Variants in FAM171A1 observed in about 807,000 individuals in gnomAD.
FAM171A1 encodes protein FAM171A1.
In FAM171A1, 23 loss-of-function variants were observed where a neutral mutation model predicts 74.9. The ratio of observed to expected loss-of-function variants is 0.31; its 90% CI spans 0.22 to 0.44. The LOEUF is 0.44. FAM171A1 is among the 20% of genes least tolerant of loss of function. FAM171A1 has a pLI of 1.00. For synonymous variants in FAM171A1, 527 were observed against 505.7 expected, an observed-to-expected ratio of 1.04 and a Z score of -0.57; for missense variants, 1,162 against 1,159.2, an observed-to-expected ratio of 1.00 and a Z score of -0.03.
In FAM171A1 at chr10:15,275,871, T is replaced by C. The variant is rs1329431280; in HGVS notation, c.402A>G (p.Ile134Met). The change falls in exon 3 of 8, where the codon ATA becomes ATG. Residue 134 changes from isoleucine (I) to methionine (M), a missense_variant. Ile to Met is a conservative substitution (Grantham distance 10). Coordinates refer to ENST00000378116, the MANE Select transcript of FAM171A1 (RefSeq NM_001010924.2). ...TLMVYEDVVQIVSGFQGARPQ... is the reference protein window; with the variant it reads ...TLMVYEDVVQMVSGFQGARPQ... The stretch of plus-strand genomic sequence containing the variant: ...TAAATATACCTTGGAATCCTGATAC[T>C]ATTTGGACGACATCTTCATATACCA... 1 of 1,609,328 alleles carries C rather than the reference T, an allele frequency of 6.2e-7. No individual in the cohort carries two copies. Among genetic ancestry groups the C allele is most frequent in the African/African-American group, 1.3e-5 (1 of 74,980 alleles).
chr10:15,261,335 T>C (rs10906875), intron 3 of FAM171A1, among the ~76,000 whole-genome samples: 35,208 of 152,162 alleles, frequency 0.23, 5,415 homozygotes, highest in East Asian at 0.57. Context: ...CAGTGAAGAA[T>C]TGAGCCAGTA....
chr10:15,248,927 C>G, intron 4 of FAM171A1, 112 bp from the exon 5 acceptor site: 1 of 947,034 alleles, frequency 1.1e-6, no homozygotes, highest in Non-Finnish European at 1.5e-6. Flanking sequence ...ATGCCAGGGA[C>G]TGCATGAAGC....
At chr10:15,244,811 G>A (rs182658876) in intron 5 of FAM171A1, among the ~76,000 whole-genome samples, 10 of 152,206 alleles carry the variant, frequency 6.6e-5, no homozygotes, top group East Asian at 1.9e-4. Flanking sequence ...ATACCGTGCC[G>A]TTCAAGCTGA....
In FAM171A1 at chr10:15,346,906, C is replaced by T. The variant is rs936408854; in HGVS notation, c.97+24050G>A. ...AGAATTCCACCGCTTTAGCAGTGCCCGAGCCACTTTCTACAGAGGGACAAA... is the reference window on the plus strand; with the variant it reads ...AGAATTCCACCGCTTTAGCAGTGCCTGAGCCACTTTCTACAGAGGGACAAA... On this transcript the variant is annotated intron_variant, in intron 1 of 7. Coordinates refer to ENST00000378116, the MANE Select transcript of FAM171A1 (RefSeq NM_001010924.2). Among the ~76,000 whole-genome samples, 35 of 152,194 alleles carry T rather than the reference C, an allele frequency of 2.3e-4. No individual in the cohort carries two copies. The South Asian group carries it at 4.8e-3, about 21-fold the overall frequency.
At chr10:15,318,423 C>T (rs4748159) in intron 1 of FAM171A1, among the ~76,000 whole-genome samples, 77,272 of 151,928 alleles carry the variant, frequency 0.51, 19,964 homozygotes, top group East Asian at 0.79. Flanking sequence ...TACTTATCTG[C>T]GTGCGGTAAG....
intron 1 of FAM171A1, among the ~76,000 whole-genome samples, 185 bp downstream of exon 1, chr10:15,370,771 C>T (rs1209825198): frequency 2.7e-5 from 4 of 147,244 alleles, no homozygotes; most frequent in Middle Eastern, 3.5e-3. Flanking sequence ...CACCCCGCGT[C>T]GCCGGCCCGC....
At chr10:15,352,195 C>T (rs768355433) in intron 1 of FAM171A1, among the ~76,000 whole-genome samples, 1 of 151,850 alleles carries the variant, frequency 6.6e-6, no homozygotes, top group Non-Finnish European at 1.5e-5. Flanking sequence ...GCCGAAATCA[C>T]GCCACTGCAC....
chr10:15,339,386 C>T lies in FAM171A1; in HGVS notation c.97+31570G>A, dbSNP rs770614070. On this transcript the variant is annotated intron_variant, in intron 1 of 7. Coordinates refer to ENST00000378116, the MANE Select transcript of FAM171A1 (RefSeq NM_001010924.2). ...ACCGCATCACATTTAGTCATTACAGCGCCTTAGCTCCTCTTGGCTATGACA... is the reference window on the plus strand; with the variant it reads ...ACCGCATCACATTTAGTCATTACAGTGCCTTAGCTCCTCTTGGCTATGACA... Among the ~76,000 whole-genome samples, 8 of 152,314 alleles carry T rather than the reference C, an allele frequency of 5.3e-5. No homozygotes were observed. The South Asian group carries it at 6.2e-4, about 12-fold the overall frequency.
rs776045179 is a variant in FAM171A1 at position 15,213,897 on chromosome 10, C to A, written c.1691G>T (p.Ser564Ile). The A allele has an allele frequency of 4.5e-5, 72 of 1,614,052 alleles. No homozygotes were observed. The highest frequency in any genetic ancestry group is 5.8e-5 in the Non-Finnish European group (68 of 1,180,048). The change falls in exon 8 of 8, where the codon AGT becomes ATT. Residue 564 changes from serine (S) to isoleucine (I), a missense_variant. Coordinates refer to ENST00000378116, the MANE Select transcript of FAM171A1 (RefSeq NM_001010924.2). The surrounding 1 kb of genome is among the most constrained non-coding windows in gnomAD (Gnocchi z 6.8). Reference protein sequence around the residue: ...FPRPGQLICCSSVDQVNDSVY... With the variant: ...FPRPGQLICCISVDQVNDSVY... Reference sequence around the variant, plus strand: ...GCTGTCATTGACCTGGTCGACAGAACTGCAGCAGATTAACTGGCCGGGCCG... The same window carrying A: ...GCTGTCATTGACCTGGTCGACAGAAATGCAGCAGATTAACTGGCCGGGCCG...
chr10:15,238,848 C>CT (rs770799105), intron 5 of FAM171A1, among the ~76,000 whole-genome samples: 4 of 152,220 alleles, frequency 2.6e-5, no homozygotes, highest in Non-Finnish European at 5.9e-5. Context: ...TACAATGTAG[C>CT]TTCACTCTTA....
At chr10:15,260,773 G>A (rs912937462) in intron 3 of FAM171A1, among the ~76,000 whole-genome samples, 4 of 152,084 alleles carry the variant, frequency 2.6e-5, no homozygotes, top group Non-Finnish European at 4.4e-5. Context: ...TTGTTTGGGG[G>A]TGTCCCATGC....
At chr10:15,374,062 CTG>C (rs1365065253), upstream of FAM171A1, among the ~76,000 whole-genome samples, 1 of 152,172 alleles carries the variant, frequency 6.6e-6, no homozygotes, top group Non-Finnish European at 1.5e-5. Flanking sequence ...GAACCCATGA[CTG>C]TATTCTCTCC....
At chr10:15,271,290 T>C (rs1834821683) in intron 3 of FAM171A1, among the ~76,000 whole-genome samples, 1 of 152,074 alleles carries the variant, frequency 6.6e-6, no homozygotes. Flanking sequence ...TATCAGCGAC[T>C]GAAGATCAAA....
intron 6 of FAM171A1, among the ~76,000 whole-genome samples, chr10:15,219,739 G>T (rs894241780): frequency 6.6e-6 from 1 of 152,092 alleles, no homozygotes; most frequent in Non-Finnish European, 1.5e-5. Flanking sequence ...GTGCCACCAC[G>T]CCCAGCTAAT....
chr10:15,229,570 TC>T, intron 5 of FAM171A1, among the ~76,000 whole-genome samples: 1 of 107,714 alleles, frequency 9.3e-6, no homozygotes, highest in Admixed American at 1.2e-4. Flanking sequence ...CCCATCACCA[TC>T]ACCAACGTCA....
intron 5 of FAM171A1, among the ~76,000 whole-genome samples, chr10:15,240,348 G>A (rs961079929): frequency 4.9e-5 from 7 of 143,406 alleles, no homozygotes; most frequent in Admixed American, 2.3e-4. Flanking sequence ...GTGACAGAGC[G>A]AGACACCATC....
chr10:15,331,853 A>ATG (rs376695633), intron 1 of FAM171A1, among the ~76,000 whole-genome samples: 1,023 of 73,568 alleles, frequency 0.014, 39 homozygotes, highest in African/African-American at 0.031. Flanking sequence ...GTGTATATAT[A>ATG]TGTGTGTATA....
At chr10:15,273,694 G>A (rs549454897) in intron 3 of FAM171A1, among the ~76,000 whole-genome samples, 2 of 152,276 alleles carry the variant, frequency 1.3e-5, no homozygotes, top group South Asian at 4.1e-4. Context: ...CCATGATCAA[G>A]TTGGCTTCAT....
intron 1 of FAM171A1, among the ~76,000 whole-genome samples, chr10:15,342,546 C>A (rs553623160): frequency 1.3e-5 from 2 of 152,002 alleles, no homozygotes; most frequent in Non-Finnish European, 2.9e-5. Context: ...CCAGCCTGGG[C>A]GACAGAGCGA....
Sources: gnomAD v4.1 joint callset for allele counts (sites outside exome capture counted in the v4.1 genomes callset) on GRCh38, gnomAD v4.1.1 for gene constraint, Gnocchi (gnomAD v3.1) non-coding constraint, MANE v1.5 for transcripts, NCBI Gene and HGNC (gene_info 2026-07-23, HGNC 2026-07-21) for gene names.